NETO1: variants seen among roughly 807,000 people sequenced by gnomAD.
The protein encoded by NETO1 is neuropilin and tolloid like 1.
Under a neutral mutation model 61.3 loss-of-function variants are expected in NETO1, and 26 were observed. The ratio of observed to expected loss-of-function variants is 0.42; its 90% CI spans 0.31 to 0.59. NETO1 has a LOEUF of 0.59. NETO1 is among the 20% of genes least tolerant of loss of function. The pLI is 0.12. For synonymous variants in NETO1, 225 were observed against 225.8 expected, an observed-to-expected ratio of 1.00 and a Z score of 0.03; for missense variants, 531 against 662.8, an observed-to-expected ratio of 0.80 and a Z score of 2.18.
intron 1 of NETO1, among the ~76,000 whole-genome samples, chr18:72,866,206 A>G (rs979536659): frequency 2.3e-4 from 35 of 152,200 alleles, no homozygotes; most frequent in Non-Finnish European, 4.7e-4. Context: ...ATTTTCACTT[A>G]AAATGAATTC....
At chr18:72,860,482 T>C (rs1001259371) in intron 3 of NETO1, among the ~76,000 whole-genome samples, 7 of 152,204 alleles carry the variant, frequency 4.6e-5, no homozygotes, top group Admixed American at 2.6e-4. Flanking sequence ...ACCTACAGAA[T>C]AAAATGTAAC....
chr18:72,770,731 G>A (rs909362545), intron 7 of NETO1, among the ~76,000 whole-genome samples: 10 of 152,120 alleles, frequency 6.6e-5, no homozygotes, highest in African/African-American at 1.4e-4. Flanking sequence ...TTTTCTTTTC[G>A]TGGTGAAATA....
chr18:72,867,046 C>A, intron 1 of NETO1: 1 of 467,692 alleles, frequency 2.1e-6, no homozygotes, highest in Non-Finnish European at 3.7e-6. Flanking sequence ...GACCGTTCTC[C>A]GGCAGGTTTT....
At chr18:72,813,978 T>C (rs972435675) in intron 4 of NETO1, among the ~76,000 whole-genome samples, 1 of 152,010 alleles carries the variant, frequency 6.6e-6, no homozygotes, top group African/African-American at 2.4e-5. Context: ...CTGATTTCAG[T>C]GGCACCCGGG....
downstream of NETO1, among the ~76,000 whole-genome samples, chr18:72,743,277 A>T (rs569685980): frequency 1.4e-4 from 22 of 152,240 alleles, no homozygotes; most frequent in African/African-American, 5.3e-4. Flanking sequence ...ATCTGCTTTA[A>T]TTACTCTAGG....
At chr18:72,809,550 A>T (rs2072794187) in intron 4 of NETO1, among the ~76,000 whole-genome samples, 1 of 152,236 alleles carries the variant, frequency 6.6e-6, no homozygotes, top group Admixed American at 6.5e-5. Context: ...AATGTTATGT[A>T]AAAATAAATT....
chr18:72,816,319 C>A (rs2073032206), intron 4 of NETO1, among the ~76,000 whole-genome samples: 1 of 152,126 alleles, frequency 6.6e-6, no homozygotes, highest in Admixed American at 6.5e-5. Flanking sequence ...TTAGATATCC[C>A]AAAGCACGCT....
rs77990931 is a variant in NETO1, at chr18:72,804,940, T to C, written c.470-10536A>G. Among the ~76,000 whole-genome samples the C allele has an allele frequency of 3.3e-5, 5 of 152,356 alleles. No individual in the cohort carries two copies. In the East Asian group the frequency reaches 9.6e-4, roughly 29 times the overall value. On this transcript the variant is annotated intron_variant, in intron 4 of 10. Coordinates refer to ENST00000327305, the MANE Select transcript of NETO1 (RefSeq NM_138966.5). ...TGAAAGTGGCATCAAATAAAATCTT[T>C]ACTAATTTCCTAAGTTACCTAACAA...
In NETO1 at chr18:72,865,181, A is replaced by C. The variant is rs1378657043; in HGVS notation, c.82+7T>G. On this transcript the variant is annotated splice_region_variant and intron_variant, in intron 2 of 10. Coordinates refer to ENST00000327305, the MANE Select transcript of NETO1 (RefSeq NM_138966.5). ...TCTTCCACTAGCATTTTTCTAAGTA[A>C]ACACACCTGTTCCTTTCTTGGTTGC... 6.2e-7 allele frequency: 1 copy of C among 1,611,926 alleles called. No homozygotes were observed. Among genetic ancestry groups the C allele is most frequent in the African/African-American group, 1.3e-5 (1 of 74,852 alleles).
intron 6 of NETO1, among the ~76,000 whole-genome samples, chr18:72,793,277 A>G (rs2072194999): frequency 6.6e-6 from 1 of 152,190 alleles, no homozygotes; most frequent in Non-Finnish European, 1.5e-5. Flanking sequence ...AATATAAACC[A>G]AAACAGGAGA....
chr18:72,844,894 A>G (rs2074039324), intron 4 of NETO1, among the ~76,000 whole-genome samples: 1 of 152,132 alleles, frequency 6.6e-6, no homozygotes, highest in Non-Finnish European at 1.5e-5. Context: ...CACCTCATCC[A>G]TCCTGAGGAC....
intron 4 of NETO1, among the ~76,000 whole-genome samples, chr18:72,845,666 G>T (rs2074060331): frequency 6.6e-6 from 1 of 152,170 alleles, no homozygotes; most frequent in African/African-American, 2.4e-5. Flanking sequence ...CAAATGATTA[G>T]TAATATTTTT....
chr18:72,819,943 C>A (rs1372152378), intron 4 of NETO1, among the ~76,000 whole-genome samples: 1 of 152,034 alleles, frequency 6.6e-6, no homozygotes, highest in Non-Finnish European at 1.5e-5. Flanking sequence ...AAATAATTTG[C>A]AATTTGTTGC....
At chr18:72,780,633 C>T (rs895690951) in intron 7 of NETO1, among the ~76,000 whole-genome samples, 2 of 152,092 alleles carry the variant, frequency 1.3e-5, no homozygotes, top group Non-Finnish European at 2.9e-5. Flanking sequence ...ATTTTATATC[C>T]TTCATAGGCA....
chr18:72,746,506 A>G lies in NETO1; in HGVS notation c.*1673T>C, dbSNP rs548133435. 3.3e-5 allele frequency among the ~76,000 whole-genome samples: 5 copies of G among 152,146 alleles called. No individual in the cohort carries two copies. In the East Asian group the frequency reaches 5.8e-4, roughly 18 times the overall value. On this transcript the variant is annotated 3_prime_UTR_variant, in exon 11 of 11. Coordinates refer to ENST00000327305, the MANE Select transcript of NETO1 (RefSeq NM_138966.5). Reference sequence around the variant, plus strand: ...CATTGAAGTGATTCTGTAGCTTGACATTTTTTCAAGATAGAGTGTTTATAA... The same window carrying G: ...CATTGAAGTGATTCTGTAGCTTGACGTTTTTTCAAGATAGAGTGTTTATAA...
intron 4 of NETO1, among the ~76,000 whole-genome samples, chr18:72,806,306 A>G (rs2072672905): frequency 6.6e-6 from 1 of 152,192 alleles, no homozygotes; most frequent in Non-Finnish European, 1.5e-5. Flanking sequence ...TTTCTCATTA[A>G]CATCAACAAA....
chr18:72,762,684 T>C (rs768238907), intron 7 of NETO1, among the ~76,000 whole-genome samples: 21 of 152,224 alleles, frequency 1.4e-4, no homozygotes, highest in Non-Finnish European at 1.3e-4. Flanking sequence ...TTGAATTCTG[T>C]TTTTAAACCC....
At chr18:72,833,971 T>C (rs898536885) in intron 4 of NETO1, 4 of 295,006 alleles carry the variant, frequency 1.4e-5, no homozygotes, top group Non-Finnish European at 2.0e-5. Context: ...ATTCCTATGA[T>C]AAATTAGCAA....
intron 4 of NETO1, among the ~76,000 whole-genome samples, chr18:72,849,866 C>A (rs1442112817): frequency 1.3e-5 from 2 of 152,196 alleles, no homozygotes; most frequent in Non-Finnish European, 2.9e-5. Flanking sequence ...TGTCCACATT[C>A]TTTGGCTTGC....
Sources: allele counts gnomAD v4.1 joint callset (sites outside exome capture counted in the v4.1 genomes callset), GRCh38; gene constraint gnomAD v4.1.1; transcripts MANE v1.5; gene names NCBI Gene and HGNC (gene_info 2026-07-23, HGNC 2026-07-21).